Variants in GALNT17 observed in about 807,000 individuals in gnomAD.
GALNT17 encodes polypeptide N-acetylgalactosaminyltransferase 17, also known as UDP-GalNAc:polypeptide N-acetylgalactosaminyltransferase-like 3.
A neutral mutation model predicts 63.7 loss-of-function variants in GALNT17; 29 were observed. The observed-to-expected ratio is 0.46, with a 90% CI of 0.34 to 0.62. The LOEUF (loss-of-function observed/expected upper bound fraction) is 0.62. Among genes scored for constraint, GALNT17 ranks in the 20% least tolerant of loss-of-function variants. GALNT17 has a pLI of 0.01. For missense variants in GALNT17, 603 were observed against 799.6 expected, an observed-to-expected ratio of 0.75 and a Z score of 2.97; for synonymous variants, 305 against 318.3, an observed-to-expected ratio of 0.96 and a Z score of 0.45.
chr7:71,425,023 G>A (rs904863180), intron 5 of GALNT17, among the ~76,000 whole-genome samples: 1 of 152,016 alleles, frequency 6.6e-6, no homozygotes, highest in African/African-American at 2.4e-5. Flanking sequence ...CTAAATAGCT[G>A]TTTTCTCAGG....
chr7:71,253,164 T>C (rs934041604), intron 1 of GALNT17, among the ~76,000 whole-genome samples: 3 of 152,202 alleles, frequency 2.0e-5, no homozygotes, highest in African/African-American at 7.2e-5. Flanking sequence ...ATTAGTTTGT[T>C]TTCATGCTGT....
intron 1 of GALNT17, among the ~76,000 whole-genome samples, chr7:71,197,120 A>G (rs1311939605): frequency 1.3e-5 from 2 of 151,570 alleles, no homozygotes; most frequent in African/African-American, 4.8e-5. Context: ...GCTACAAATA[A>G]TCCAGTCATA....
chr7:71,286,251 T>A (rs1562970904), intron 1 of GALNT17, among the ~76,000 whole-genome samples: 1 of 152,240 alleles, frequency 6.6e-6, no homozygotes, highest in African/African-American at 2.4e-5. Context: ...TAAATCTTGC[T>A]CTGCCCACGT....
rs764378408 is a variant in GALNT17, at chr7:71,710,849, A to G, written c.1589A>G (p.Asn530Ser). 1.5e-5 allele frequency: 24 copies of G among 1,613,672 alleles called. No individual in the cohort carries two copies. The highest frequency in any genetic ancestry group is 2.0e-5 in the Non-Finnish European group (24 of 1,179,994). The change falls in exon 10 of 11, where the codon AAC becomes AGC. Residue 530 changes from asparagine to serine, a missense_variant. Physicochemically the swap from Asn to Ser is conservative, Grantham distance 46. Transcript: ENST00000333538. ...LLPDTRCLVD[N>S]SKSRLPQLLD... is the part of the protein sequence containing the mutation. Reference sequence around the variant, plus strand: ...CCTGACACCCGCTGCCTGGTGGACAACTCCAAGAGTCGGCTGCCCCAGCTC... The same window carrying G: ...CCTGACACCCGCTGCCTGGTGGACAGCTCCAAGAGTCGGCTGCCCCAGCTC...
intron 3 of GALNT17, among the ~76,000 whole-genome samples, chr7:71,393,618 A>C (rs1793088421): frequency 6.6e-6 from 1 of 152,038 alleles, no homozygotes; most frequent in East Asian, 1.9e-4. Context: ...ATCTATTCTC[A>C]GACTCACTAA....
chr7:71,579,996 A>G (rs1291313857), intron 6 of GALNT17, among the ~76,000 whole-genome samples: 4 of 152,168 alleles, frequency 2.6e-5, no homozygotes, highest in Middle Eastern at 3.4e-3. Flanking sequence ...AATGATAGAG[A>G]TAGTAGGTAA....
intron 2 of GALNT17, among the ~76,000 whole-genome samples, chr7:71,337,894 A>G (rs920316671): frequency 6.6e-6 from 1 of 151,738 alleles, no homozygotes; most frequent in Non-Finnish European, 1.5e-5. Context: ...CAAACAAACA[A>G]CAACAACAAA....
At chr7:71,339,390 A>T (rs1791968373) in intron 2 of GALNT17, among the ~76,000 whole-genome samples, 1 of 152,172 alleles carries the variant, frequency 6.6e-6, no homozygotes, top group Admixed American at 6.5e-5. Context: ...AAGGGATAGA[A>T]AGTTGAAGAT....
intron 5 of GALNT17, among the ~76,000 whole-genome samples, chr7:71,534,814 C>T (rs577075381): frequency 5.9e-5 from 9 of 152,206 alleles, no homozygotes; most frequent in Admixed American, 2.0e-4. Context: ...ATGCAAAAAT[C>T]GGGCCAATTT....
chr7:71,138,417 T>C (rs1407409280), intron 1 of GALNT17, among the ~76,000 whole-genome samples: 5 of 152,000 alleles, frequency 3.3e-5, no homozygotes, highest in Non-Finnish European at 5.9e-5. Context: ...CATCTTCACA[T>C]TGAGTAGGTG....
intron 5 of GALNT17, among the ~76,000 whole-genome samples, chr7:71,493,118 A>G (rs1225484781): frequency 1.3e-5 from 2 of 152,226 alleles, no homozygotes; most frequent in African/African-American, 4.8e-5. Context: ...CTGGGGACAC[A>G]GAGATGAATG....
At chr7:71,414,223 G>A (rs556205637) in intron 3 of GALNT17, among the ~76,000 whole-genome samples, 3 of 152,120 alleles carry the variant, frequency 2.0e-5, no homozygotes, top group South Asian at 2.1e-4. Context: ...CCTGGGCAAC[G>A]AAAGAGAAAC....
intron 5 of GALNT17, among the ~76,000 whole-genome samples, chr7:71,540,917 T>A (rs982540123): frequency 3.9e-5 from 6 of 152,058 alleles, no homozygotes; most frequent in African/African-American, 1.2e-4. Context: ...CCTGGATTCT[T>A]TAAGACACAT....
intron 5 of GALNT17, among the ~76,000 whole-genome samples, chr7:71,500,525 G>T (rs1046301791): frequency 6.6e-6 from 1 of 152,092 alleles, no homozygotes; most frequent in African/African-American, 2.4e-5. Context: ...TCCTGCATTT[G>T]TTCTCAGCCA....
intron 1 of GALNT17, among the ~76,000 whole-genome samples, chr7:71,299,671 G>T (rs1172205548): frequency 6.6e-6 from 1 of 152,132 alleles, no homozygotes; most frequent in African/African-American, 2.4e-5. Flanking sequence ...AGATGACCGT[G>T]GGGGCGAGGT....
chr7:71,447,996 T>G (rs1330119090), intron 5 of GALNT17, among the ~76,000 whole-genome samples: 1 of 152,212 alleles, frequency 6.6e-6, no homozygotes, highest in African/African-American at 2.4e-5. Context: ...CTTTATCTTT[T>G]TTAGCTTATT....
chr7:71,662,227 C>T (rs1790917809), intron 6 of GALNT17, among the ~76,000 whole-genome samples: 1 of 152,050 alleles, frequency 6.6e-6, no homozygotes, highest in Non-Finnish European at 1.5e-5. Context: ...CCTGCTAAGT[C>T]CTTGAAGAGT....
intron 5 of GALNT17, among the ~76,000 whole-genome samples, chr7:71,540,811 G>A (rs1305430368): frequency 2.0e-5 from 3 of 152,106 alleles, no homozygotes; most frequent in Admixed American, 2.0e-4. Context: ...ATTCACCAGT[G>A]GGCCATTTTC....
intron 5 of GALNT17, among the ~76,000 whole-genome samples, chr7:71,494,641 G>A (rs946018957): frequency 6.6e-6 from 1 of 152,152 alleles, no homozygotes; most frequent in Admixed American, 6.6e-5. Flanking sequence ...GTACAGGTCT[G>A]AGCTACTGTG....
Sources: allele counts gnomAD v4.1 joint callset (sites outside exome capture counted in the v4.1 genomes callset), GRCh38; gene constraint gnomAD v4.1.1; transcripts MANE v1.5; gene names NCBI Gene and HGNC (gene_info 2026-07-23, HGNC 2026-07-21).